ZNF277: variants seen among roughly 807,000 people sequenced by gnomAD.
ZNF277 encodes the protein zinc finger protein 277.
ZNF277 carries 55 observed loss-of-function variants against 60.7 expected under a neutral mutation model. The ratio of observed to expected loss-of-function variants is 0.91; its 90% CI spans 0.73 to 1.13. The LOEUF (loss-of-function observed/expected upper bound fraction) is 1.13. ZNF277 is among the 50% of genes most tolerant of loss of function. The pLI is 0.00. For synonymous variants in ZNF277, 178 were observed against 179.3 expected (o/e 0.99, Z 0.06); for missense variants, 510 against 523.0 (o/e 0.98, Z 0.24).
chr7:112,315,242 T>A (rs1425769113), intron 4 of ZNF277, among the ~76,000 whole-genome samples: 1 of 152,136 alleles, frequency 6.6e-6, no homozygotes, highest in East Asian at 1.9e-4. Context: ...TTGAGTTAAT[T>A]TTATTCTTAG....
intron 1 of ZNF277, among the ~76,000 whole-genome samples, chr7:112,249,180 A>T (rs1337889530): frequency 1.3e-5 from 2 of 152,180 alleles, no homozygotes. Flanking sequence ...TTCTAGCTAA[A>T]GCCTTGGAAT....
intron 1 of ZNF277, among the ~76,000 whole-genome samples, chr7:112,221,442 A>G (rs1822029249): frequency 6.6e-6 from 1 of 152,108 alleles, no homozygotes; most frequent in Non-Finnish European, 1.5e-5. Context: ...GTGGTCCCCA[A>G]CCTTCTTGGC....
chr7:112,283,139 G>A lies in ZNF277; in HGVS notation c.92-3734G>A, dbSNP rs191203368. On this transcript the variant is annotated intron_variant, in intron 1 of 11. Coordinates refer to ENST00000361822, the MANE Select transcript of ZNF277 (RefSeq NM_021994.3). ...AAGAGATAAACAAATTACTCCATATGATCAATGCTGTTATAATTTTGAGCA... is the reference window on the plus strand; with the variant it reads ...AAGAGATAAACAAATTACTCCATATAATCAATGCTGTTATAATTTTGAGCA... Among the ~76,000 whole-genome samples, 175 of 152,328 alleles carry A rather than the reference G, an allele frequency of 1.1e-3. 1 individual carries two copies. Among genetic ancestry groups the A allele is most frequent in the African/African-American group, 3.9e-3 (164 of 41,576 alleles).
intron 3 of ZNF277, 64 bp from the exon 4 acceptor site, chr7:112,296,165 A>G: frequency 1.7e-6 from 2 of 1,194,570 alleles, no homozygotes; most frequent in African/African-American, 3.0e-5. Flanking sequence ...TTAAGAAATA[A>G]GTCCTTCTGG....
At chr7:112,212,746 T>C (rs998235389) in intron 1 of ZNF277, among the ~76,000 whole-genome samples, 1 of 152,026 alleles carries the variant, frequency 6.6e-6, no homozygotes. Context: ...AATTTGGGAG[T>C]TGTCAGAGTG....
chr7:112,291,919 T>C (rs995833406), intron 2 of ZNF277, among the ~76,000 whole-genome samples: 2 of 152,214 alleles, frequency 1.3e-5, no homozygotes, highest in African/African-American at 4.8e-5. Flanking sequence ...TATATTTTGC[T>C]TTGTAACAGA....
intron 1 of ZNF277, among the ~76,000 whole-genome samples, chr7:112,256,415 T>C (rs1791307090): frequency 6.7e-6 from 1 of 149,202 alleles, no homozygotes. Flanking sequence ...AATTAACTTC[T>C]TTGGAGTTTT....
intron 1 of ZNF277, among the ~76,000 whole-genome samples, chr7:112,245,590 G>A (rs910824739): frequency 1.3e-5 from 2 of 152,122 alleles, no homozygotes; most frequent in African/African-American, 2.4e-5. Flanking sequence ...GTTTCTTCTC[G>A]ACTGTGAGGG....
In ZNF277 at chr7:112,295,747, G is replaced by A. The variant is rs1792309758; in HGVS notation, c.294-122G>A. ...TTCACAAAAAACTGCTAGAAAAGCA[G>A]TTTTAAGTTAACATTTGATTTGTTG... On this transcript the variant is annotated intron_variant, in intron 2 of 11. Transcript: ENST00000361822. 128 of 714,368 alleles carry A rather than the reference G, an allele frequency of 1.8e-4. No individual in the cohort carries two copies. The South Asian group carries it at 2.6e-3, about 14-fold the overall frequency. 44.3% of individuals were successfully genotyped at this position (714,368 alleles called of 1,614,324 possible).
chr7:112,307,737 C>T (rs1241612484), intron 4 of ZNF277, among the ~76,000 whole-genome samples: 1 of 151,762 alleles, frequency 6.6e-6, no homozygotes, highest in Non-Finnish European at 1.5e-5. Context: ...GTATCTATCT[C>T]CTAAGCAGAA....
rs535014599 is a variant in ZNF277, at chr7:112,337,778, T to C, written c.918T>C (p.Phe306=). The C allele has an allele frequency of 6.2e-7, 1 of 1,612,672 alleles. No individual in the cohort carries two copies. The highest frequency in any genetic ancestry group is 8.5e-7 in the Non-Finnish European group (1 of 1,179,538). ...ACCCTGCCTCTGCAGTCTGCTTATTTTGTGAAAAGCAAGCAGAAACAATTG... is the reference window on the plus strand; with the variant it reads ...ACCCTGCCTCTGCAGTCTGCTTATTCTGTGAAAAGCAAGCAGAAACAATTG... ...EEHPASAVCL[F]CEKQAETIEK... Residue 306 remains phenylalanine, a synonymous_variant, in exon 9 of 12, where the codon TTT becomes TTC. Transcript: ENST00000361822.
chr7:112,296,922 T>TTTTTA (rs1792362917), intron 4 of ZNF277, among the ~76,000 whole-genome samples: 1 of 72,560 alleles, frequency 1.4e-5, no homozygotes, highest in Non-Finnish European at 3.0e-5. Flanking sequence ...ATTTTTTTTT[T>TTTTTA]TTTTTTTTTT....
chr7:112,250,152 GC>G, intron 1 of ZNF277, among the ~76,000 whole-genome samples: 1 of 152,082 alleles, frequency 6.6e-6, no homozygotes, highest in Middle Eastern at 3.4e-3. Context: ...CTCTAACCTG[GC>G]CCCCCGGGCG....
At chr7:112,283,276 C>T (rs546352201) in intron 1 of ZNF277, among the ~76,000 whole-genome samples, 1 of 152,206 alleles carries the variant, frequency 6.6e-6, no homozygotes, top group South Asian at 2.1e-4. Context: ...GCCTATAATC[C>T]CAGCACTTTG....
intron 5 of ZNF277, among the ~76,000 whole-genome samples, chr7:112,322,312 C>G (rs928056177): frequency 6.6e-6 from 1 of 152,038 alleles, no homozygotes; most frequent in Non-Finnish European, 1.5e-5. Flanking sequence ...GCATATTATA[C>G]ATATGTTGGT....
chr7:112,339,545 C>T (rs1188498827), intron 9 of ZNF277, among the ~76,000 whole-genome samples: 1 of 152,244 alleles, frequency 6.6e-6, no homozygotes, highest in Non-Finnish European at 1.5e-5. Context: ...TCTCAAACTC[C>T]TGACCTCGGG....
intron 1 of ZNF277, among the ~76,000 whole-genome samples, chr7:112,273,320 G>T (rs79099979): frequency 0.088 from 13,467 of 152,172 alleles, 765 homozygotes; most frequent in Middle Eastern, 0.23. Flanking sequence ...GTTGCTTTCT[G>T]CTGTGACAGG....
intron 6 of ZNF277, 108 bp from the exon 7 acceptor site, chr7:112,329,976 G>T: frequency 7.9e-7 from 1 of 1,264,350 alleles, no homozygotes; most frequent in East Asian, 2.5e-5. Flanking sequence ...CCCATTTGAA[G>T]ATGCTGTGTA....
At chr7:112,310,019 TCCCTACCAAGAA>T (rs1337438079) in intron 4 of ZNF277, among the ~76,000 whole-genome samples, 1 of 152,056 alleles carries the variant, frequency 6.6e-6, no homozygotes, top group East Asian at 1.9e-4. Context: ...CCCAGACTAA[TCCCTACCAAGAA>T]AGTTTACTGG....
Sources: allele counts gnomAD v4.1 joint callset (sites outside exome capture counted in the v4.1 genomes callset), GRCh38; gene constraint gnomAD v4.1.1; transcripts MANE v1.5; gene names NCBI Gene and HGNC (gene_info 2026-07-23, HGNC 2026-07-21).